The following LARGE1 variants were observed in gnomAD, a reference collection of about 807,000 sequenced individuals.
LARGE1 encodes the protein xylosyl- and glucuronyltransferase LARGE1.
In LARGE1, 43 loss-of-function variants were observed where a neutral mutation model predicts 87.6. That is an observed-to-expected ratio of 0.49 (90% CI 0.38 to 0.63). The LOEUF (loss-of-function observed/expected upper bound fraction) is 0.63. Ranked by LOEUF, LARGE1 falls within the 30% of genes least tolerant of loss-of-function variation. The pLI is 0.00. For synonymous variants in LARGE1, 434 were observed against 394.6 expected (o/e 1.10, Z -1.18); for missense variants, 802 against 1,000.2 (o/e 0.80, Z 2.67).
chr22:33,516,245 G>A (rs2071298516), intron 6 of LARGE1, among the ~76,000 whole-genome samples: 1 of 152,118 alleles, frequency 6.6e-6, no homozygotes, highest in African/African-American at 2.4e-5. Flanking sequence ...TAAGCACAAA[G>A]CAGGCAAGGC....
chr22:33,106,222 T>C, the LARGE1 span, among the ~76,000 whole-genome samples: 10 of 152,200 alleles, frequency 6.6e-5, no homozygotes, highest in East Asian at 1.9e-4. Flanking sequence ...TCCAGGCATC[T>C]GGGAAATGGC....
chr22:33,612,346 C>T (rs569759467), intron 4 of LARGE1, among the ~76,000 whole-genome samples: 3 of 152,308 alleles, frequency 2.0e-5, no homozygotes, highest in Admixed American at 6.5e-5. Flanking sequence ...TCAAGATCTG[C>T]CTGCCTTGGC....
chr22:33,589,431 A>C (rs1365843196), intron 5 of LARGE1, among the ~76,000 whole-genome samples: 1 of 151,938 alleles, frequency 6.6e-6, no homozygotes, highest in Admixed American at 6.6e-5. Context: ...TATTTCCTCC[A>C]TTGTTTTATT....
chr22:33,838,681 T>C (rs905069656), intron 1 of LARGE1, among the ~76,000 whole-genome samples: 12 of 152,132 alleles, frequency 7.9e-5, no homozygotes, highest in African/African-American at 2.7e-4. Context: ...TAATAAAACA[T>C]CTTTGGCAGT....
intron 11 of LARGE1, among the ~76,000 whole-genome samples, chr22:33,181,290 A>T (rs1018558636): frequency 6.6e-6 from 1 of 152,150 alleles, no homozygotes; most frequent in Non-Finnish European, 1.5e-5. Flanking sequence ...TTAAAGATAC[A>T]TGATTTTATG....
At chr22:33,195,096 G>A (rs1174372994) in intron 11 of LARGE1, among the ~76,000 whole-genome samples, 4 of 152,186 alleles carry the variant, frequency 2.6e-5, no homozygotes, top group African/African-American at 7.2e-5. Context: ...TGTAGTATAT[G>A]TGCCTGTATC....
chr22:33,548,815 G>T (rs549659703), intron 6 of LARGE1, among the ~76,000 whole-genome samples: 5 of 152,282 alleles, frequency 3.3e-5, no homozygotes, highest in Admixed American at 2.0e-4. Context: ...TTAAAAAGAG[G>T]ATTATTGGCT....
chr22:33,104,919 CT>C, the LARGE1 span, among the ~76,000 whole-genome samples: 3 of 102,524 alleles, frequency 2.9e-5, no homozygotes, highest in African/African-American at 9.4e-5. Context: ...TTCTTTCTTT[CT>C]TTCTTTCTTT....
intron 12 of LARGE1, among the ~76,000 whole-genome samples, chr22:33,289,914 T>C (rs2145968025): frequency 6.6e-6 from 1 of 152,182 alleles, no homozygotes; most frequent in South Asian, 2.1e-4. Context: ...TTTGCTCCAA[T>C]CTGGCAAAAC....
intron 5 of LARGE1, among the ~76,000 whole-genome samples, chr22:33,601,565 C>T (rs12628513): frequency 0.14 from 21,997 of 152,086 alleles, 1,780 homozygotes; most frequent in African/African-American, 0.21. Flanking sequence ...TCATGAACCA[C>T]AGTTACTAGT....
At chr22:33,124,356 A>ATAAGGAAGGAAGGAAGGAAGGAAG in the LARGE1 span, among the ~76,000 whole-genome samples, 1 of 69,072 alleles carries the variant, frequency 1.4e-5, no homozygotes, top group African/African-American at 6.7e-5. Flanking sequence ...AAGAAAGGAA[A>ATAAGGAAGGAAGGAAGGAAGGAAG]GAAGGAAGGA....
intron 1 of LARGE1, among the ~76,000 whole-genome samples, chr22:33,831,749 T>TACACACACACACACAC (rs5845118): frequency 8.2e-5 from 12 of 146,864 alleles, no homozygotes; most frequent in African/African-American, 3.1e-4. Context: ...CACATGCATG[T>TACACACACACACACAC]ACACACACAC....
chr22:33,229,185 C>A (rs1925879614), intron 11 of LARGE1, among the ~76,000 whole-genome samples: 1 of 152,182 alleles, frequency 6.6e-6, no homozygotes, highest in African/African-American at 2.4e-5. Flanking sequence ...TTATCAGCTA[C>A]AAATTCAAAA....
chr22:33,904,822 T>A (rs1189529024), intron 1 of LARGE1, among the ~76,000 whole-genome samples: 1 of 152,138 alleles, frequency 6.6e-6, no homozygotes, highest in Non-Finnish European at 1.5e-5. Flanking sequence ...TGTGTAAAAG[T>A]TTCATCAACA....
intron 11 of LARGE1, among the ~76,000 whole-genome samples, chr22:33,314,871 G>C (rs934606792): frequency 1.3e-5 from 2 of 152,134 alleles, no homozygotes; most frequent in African/African-American, 4.8e-5. Context: ...TGACCTTGGG[G>C]CTTCAAATCC....
intron 13 of LARGE1, among the ~76,000 whole-genome samples, chr22:33,282,008 T>C (rs1213177776): frequency 6.6e-6 from 1 of 152,204 alleles, no homozygotes; most frequent in East Asian, 1.9e-4. Flanking sequence ...TTCCAGGAAG[T>C]GTTGGCCATT....
intron 6 of LARGE1, among the ~76,000 whole-genome samples, chr22:33,514,264 C>A (rs146670202): frequency 7.7e-6 from 1 of 129,940 alleles, no homozygotes; most frequent in African/African-American, 3.0e-5. Flanking sequence ...TTCTTTCAGT[C>A]GGCTAGTCTA....
intron 1 of LARGE1, among the ~76,000 whole-genome samples, chr22:33,862,788 T>C (rs1399292865): frequency 6.6e-6 from 1 of 152,134 alleles, no homozygotes; most frequent in African/African-American, 2.4e-5. Flanking sequence ...AACAAATCTA[T>C]TAACACAAAA....
chr22:33,652,340 C>T (rs1020724878), intron 2 of LARGE1, among the ~76,000 whole-genome samples: 2 of 151,808 alleles, frequency 1.3e-5, no homozygotes, highest in Non-Finnish European at 2.9e-5. Flanking sequence ...TCATTATAGG[C>T]TATTCAGAGA....
Sources: gnomAD v4.1 joint callset for allele counts (sites outside exome capture counted in the v4.1 genomes callset) on GRCh38, gnomAD v4.1.1 for gene constraint, MANE v1.5 for transcripts, NCBI Gene and HGNC (gene_info 2026-07-23, HGNC 2026-07-21) for gene names.